The following KSR2 variants were observed in gnomAD, a reference collection of about 807,000 sequenced individuals.
KSR2 encodes kinase suppressor of ras 2.
Under a neutral mutation model 107.8 loss-of-function variants are expected in KSR2, and 25 were observed. That is an observed-to-expected ratio of 0.23 (90% CI 0.17 to 0.32). KSR2 has a LOEUF of 0.32. Among genes scored for constraint, KSR2 ranks in the 10% least tolerant of loss-of-function variants. The pLI is 1.00. For missense variants in KSR2, 887 were observed against 1,268.9 expected (o/e 0.70, Z 4.57); for synonymous variants, 480 against 507.0 (o/e 0.95, Z 0.71).
intron 9 of KSR2, among the ~76,000 whole-genome samples, chr12:117,548,627 G>C (rs928540081): frequency 1.3e-5 from 2 of 152,058 alleles, no homozygotes; most frequent in African/African-American, 4.8e-5. Context: ...AACTGTGGGG[G>C]TGGGGTTGGC....
intron 5 of KSR2, among the ~76,000 whole-genome samples, chr12:117,628,642 T>C (rs1290169121): frequency 6.6e-6 from 1 of 152,138 alleles, no homozygotes; most frequent in Non-Finnish European, 1.5e-5. Context: ...GCCTCCCAGT[T>C]AGGCTACACG....
At chr12:117,499,880 C>T (rs1873276684) in intron 14 of KSR2, among the ~76,000 whole-genome samples, 3 of 152,168 alleles carry the variant, frequency 2.0e-5, no homozygotes, top group Admixed American at 2.0e-4. Context: ...GGCCCCACAG[C>T]CCAAAAGGGC....
At chr12:117,664,231 G>C (rs1208598859) in intron 5 of KSR2, among the ~76,000 whole-genome samples, 1 of 146,596 alleles carries the variant, frequency 6.8e-6, no homozygotes, top group Non-Finnish European at 1.5e-5. Context: ...CCCACTCAAG[G>C]TGGCTGGGCA....
chr12:117,950,750 A>T (rs867654498), intron 1 of KSR2, among the ~76,000 whole-genome samples: 3,111 of 102,024 alleles, frequency 0.03, 123 homozygotes, highest in African/African-American at 0.12. Flanking sequence ...AAAAAAAAAA[A>T]ATAATAATAA....
At chr12:117,833,954 C>T (rs1428655048) in intron 3 of KSR2, among the ~76,000 whole-genome samples, 1 of 137,150 alleles carries the variant, frequency 7.3e-6, no homozygotes, top group Admixed American at 8.2e-5. Context: ...CATGGTGAAA[C>T]CCTGTCTGTA....
intron 4 of KSR2, among the ~76,000 whole-genome samples, chr12:117,682,052 A>G (rs1391599047): frequency 6.6e-6 from 1 of 152,236 alleles, no homozygotes; most frequent in Non-Finnish European, 1.5e-5. Flanking sequence ...GATAAAGAAA[A>G]TGTGGTACAT....
intron 7 of KSR2, among the ~76,000 whole-genome samples, chr12:117,559,332 A>T (rs1196169198): frequency 2.0e-5 from 3 of 152,188 alleles, no homozygotes; most frequent in Non-Finnish European, 4.4e-5. Context: ...TTCACGTTTT[A>T]AAAAATATCA....
chr12:117,565,633 T>TCA lies in KSR2; in HGVS notation c.1326-7061_1326-7060insTG, dbSNP rs1220948593. Reference sequence around the variant, plus strand: ...GAATAGGAATAATAATTATTTCCCTTTACCATGTGAGATAAACTGTGTGAA... The same window carrying TCA: ...GAATAGGAATAATAATTATTTCCCTTCATACCATGTGAGATAAACTGTGTGAA... On this transcript the variant is annotated intron_variant, in intron 7 of 19. Coordinates refer to ENST00000339824, the MANE Select transcript of KSR2 (RefSeq NM_173598.6). Among the ~76,000 whole-genome samples, 11 of 152,248 alleles carry TCA rather than the reference T, an allele frequency of 7.2e-5. No homozygotes were observed. The East Asian group carries it at 1.9e-3, about 27-fold the overall frequency.
intron 1 of KSR2, among the ~76,000 whole-genome samples, chr12:117,944,869 A>AAAT (rs777522485): frequency 1.8e-4 from 27 of 151,952 alleles, no homozygotes; most frequent in Non-Finnish European, 3.2e-4. Flanking sequence ...AAAAATAAAT[A>AAAT]AATAATAATA....
intron 19 of KSR2, among the ~76,000 whole-genome samples, chr12:117,468,691 T>C (rs1269955456): frequency 6.6e-6 from 1 of 152,106 alleles, no homozygotes; most frequent in Non-Finnish European, 1.5e-5. Context: ...GCCATGGCAG[T>C]GCAAGTGTGT....
chr12:117,772,323 C>T (rs1593221622), intron 3 of KSR2, among the ~76,000 whole-genome samples: 1 of 144,400 alleles, frequency 6.9e-6, no homozygotes, highest in Admixed American at 7.0e-5. Context: ...CGCACAAACA[C>T]ACACTCACAC....
At chr12:117,639,629 G>GTATTATTATTATTATTATTATTAT (rs5801245) in intron 5 of KSR2, among the ~76,000 whole-genome samples, 1 of 137,878 alleles carries the variant, frequency 7.3e-6, no homozygotes, top group Non-Finnish European at 1.5e-5. Flanking sequence ...CGCACCCAGC[G>GTATTATTATTATTATTATTATTAT]TATTATTATT....
At chr12:117,753,810 T>C (rs1365406840) in intron 4 of KSR2, among the ~76,000 whole-genome samples, 1 of 98,744 alleles carries the variant, frequency 1.0e-5, no homozygotes, top group Admixed American at 1.0e-4. Context: ...GACCTTAAAA[T>C]GAAAGTTAAA....
At chr12:117,791,674 G>T (rs1055096697) in intron 3 of KSR2, among the ~76,000 whole-genome samples, 2 of 152,180 alleles carry the variant, frequency 1.3e-5, no homozygotes, top group Admixed American at 6.5e-5. Context: ...GGTGGGAGGG[G>T]AGCAGAGGCA....
intron 3 of KSR2, among the ~76,000 whole-genome samples, chr12:117,775,184 G>C (rs1014193852): frequency 6.6e-6 from 1 of 152,144 alleles, no homozygotes; most frequent in African/African-American, 2.4e-5. Context: ...GGGTGGAGTT[G>C]CTGGGTCAGA....
intron 3 of KSR2, among the ~76,000 whole-genome samples, chr12:117,850,052 C>T (rs1666194813): frequency 6.6e-6 from 1 of 152,192 alleles, no homozygotes; most frequent in South Asian, 2.1e-4. Context: ...TAAAGGAAAG[C>T]CATCCAACTC....
intron 3 of KSR2, among the ~76,000 whole-genome samples, chr12:117,832,778 A>G (rs1034895204): frequency 3.3e-5 from 5 of 151,920 alleles, no homozygotes; most frequent in Non-Finnish European, 7.4e-5. Context: ...GGTCCAACCT[A>G]CTCCTAGGCT....
chr12:117,505,240 T>TC (rs1873606726), intron 14 of KSR2, among the ~76,000 whole-genome samples: 1 of 152,140 alleles, frequency 6.6e-6, no homozygotes, highest in Non-Finnish European at 1.5e-5. Flanking sequence ...CCTTATGCAG[T>TC]CCCCTCACCA....
intron 3 of KSR2, among the ~76,000 whole-genome samples, chr12:117,801,283 ATTTTTTTT>A (rs35746430): frequency 5.9e-5 from 8 of 136,024 alleles, no homozygotes; most frequent in Non-Finnish European, 1.1e-4. Context: ...TGCCCGGCTA[ATTTTTTTT>A]TTTTTTTTTG....
Sources: gnomAD v4.1 joint callset for allele counts (sites outside exome capture counted in the v4.1 genomes callset) on GRCh38, gnomAD v4.1.1 for gene constraint, MANE v1.5 for transcripts, NCBI Gene and HGNC (gene_info 2026-07-23, HGNC 2026-07-21) for gene names.